SFMBT2: variants seen among roughly 807,000 people sequenced by gnomAD.
SFMBT2 encodes the protein Scm like with four mbt domains 2, also known as scm-like with four MBT domains protein 2.
In SFMBT2, 38 loss-of-function variants were observed where a neutral mutation model predicts 110.1. That is an observed-to-expected ratio of 0.35 (90% CI 0.27 to 0.45). The LOEUF (loss-of-function observed/expected upper bound fraction) is 0.45, where lower values mean the gene tolerates loss of function less well. SFMBT2 is among the 20% of genes least tolerant of loss of function. The pLI is 1.00. For synonymous variants in SFMBT2, 425 were observed against 425.4 expected (o/e 1.00, Z 0.01); for missense variants, 1,011 against 1,094.9 (o/e 0.92, Z 1.08).
rs949034423 is a variant in SFMBT2, at chr10:7,384,988, T to C, written c.-51-3039A>G. On this transcript the variant is annotated intron_variant, in intron 1 of 20. Coordinates refer to ENST00000397167, the MANE Select transcript of SFMBT2 (RefSeq NM_001387889.1). The stretch of plus-strand genomic sequence containing the variant: ...GAGCTGCACACAGCAGAGGAAAGGC[T>C]GCCTGCCAAGGGCACTCTAAGGTCT... Among the ~76,000 whole-genome samples, 12 of 152,228 alleles carry C rather than the reference T, an allele frequency of 7.9e-5. No individual in the cohort carries two copies. In the South Asian group the frequency reaches 8.3e-4, roughly 11 times the overall value.
In SFMBT2 at chr10:7,367,918, A is replaced by G. The variant is rs1341641937; in HGVS notation, c.196-29T>C. ...AAGGAATCAGAAATAGAGAAAACCC[A>G]TTACTACACTAGACACAATACATCC... is the stretch of plus-strand genomic sequence containing the variant. On this transcript the variant is annotated intron_variant, in intron 3 of 20. Coordinates refer to ENST00000397167, the MANE Select transcript of SFMBT2 (RefSeq NM_001387889.1). The surrounding 1 kb of genome is among the most constrained non-coding windows in gnomAD (Gnocchi z 6.2). 6.2e-7 allele frequency: 1 copy of G among 1,611,174 alleles called. No individual in the cohort carries two copies. Among genetic ancestry groups the G allele is most frequent in the East Asian group, 2.2e-5 (1 of 44,868 alleles).
chr10:7,334,625 A>G (rs1366559357), intron 4 of SFMBT2, among the ~76,000 whole-genome samples: 1 of 152,178 alleles, frequency 6.6e-6, no homozygotes, highest in African/African-American at 2.4e-5. Flanking sequence ...CGATACAGAC[A>G]TTAACTAAAG....
Position 7,227,013 on chromosome 10 carries a change from C to T in SFMBT2, c.1203+842G>A, listed in dbSNP as rs146274102. Among the ~76,000 whole-genome samples, 7 of 152,236 alleles carry T rather than the reference C, an allele frequency of 4.6e-5. No homozygotes were observed. The East Asian group carries it at 9.6e-4, about 21-fold the overall frequency. ...CAATGCATGACTGTAGTTTATAAAA[C>T]GACCTCCAATAACTCTGTAAGTACA... On this transcript the variant is annotated intron_variant, in intron 10 of 20. Transcript: ENST00000397167.
At chr10:7,342,083 T>TA (rs34326199) in intron 4 of SFMBT2, among the ~76,000 whole-genome samples, 1,839 of 136,282 alleles carry the variant, frequency 0.013, 22 homozygotes, top group African/African-American at 0.034. Context: ...ACTGCCTCAT[T>TA]AAAAAAAAAA....
intron 7 of SFMBT2, among the ~76,000 whole-genome samples, chr10:7,250,089 T>C (rs557705172): frequency 5.3e-5 from 8 of 152,358 alleles, no homozygotes; most frequent in Admixed American, 3.9e-4. Context: ...TGATGTGCAT[T>C]GTTTATGTTG....
chr10:7,256,665 T>A (rs1477233483), intron 7 of SFMBT2, among the ~76,000 whole-genome samples: 2 of 152,208 alleles, frequency 1.3e-5, no homozygotes, highest in Non-Finnish European at 2.9e-5. Flanking sequence ...CCGACTTCCA[T>A]GCGATGTTAT....
chr10:7,300,772 G>A (rs1842536045), intron 4 of SFMBT2, among the ~76,000 whole-genome samples: 3 of 152,210 alleles, frequency 2.0e-5, no homozygotes, highest in African/African-American at 7.2e-5. Flanking sequence ...GTATTTTTAA[G>A]AATGTTTTAT....
At chr10:7,360,457 A>G (rs1432067352) in intron 4 of SFMBT2, among the ~76,000 whole-genome samples, 1 of 151,948 alleles carries the variant, frequency 6.6e-6, no homozygotes, top group African/African-American at 2.4e-5. Flanking sequence ...ACAGAATGAG[A>G]CCCTGTCTCA....
chr10:7,323,654 T>A (rs181247804), intron 4 of SFMBT2, among the ~76,000 whole-genome samples: 12 of 152,232 alleles, frequency 7.9e-5, no homozygotes, highest in East Asian at 5.8e-4. Flanking sequence ...CAGATTTTTT[T>A]AATTTTAACC....
chr10:7,272,128 A>C (rs1294793931), intron 7 of SFMBT2, among the ~76,000 whole-genome samples: 2 of 152,200 alleles, frequency 1.3e-5, no homozygotes, highest in Non-Finnish European at 2.9e-5. Flanking sequence ...CATGTCCAGG[A>C]AGGATGTGGC....
At chr10:7,305,311 T>C (rs1372970168) in intron 4 of SFMBT2, among the ~76,000 whole-genome samples, 1 of 152,166 alleles carries the variant, frequency 6.6e-6, no homozygotes, top group African/African-American at 2.4e-5. Flanking sequence ...CTATAAATGA[T>C]ATTTAGGTTC....
chr10:7,204,330 C>T (rs1839058277), intron 12 of SFMBT2: 1 of 985,052 alleles, frequency 1.0e-6, no homozygotes, highest in East Asian at 1.1e-4. Context: ...GTGTTTCCAG[C>T]AACGTTGTGA....
intron 4 of SFMBT2, among the ~76,000 whole-genome samples, chr10:7,318,975 C>T (rs1046422253): frequency 1.3e-5 from 2 of 152,196 alleles, no homozygotes; most frequent in African/African-American, 4.8e-5. Context: ...GGGCCATAAA[C>T]CAACTTGGCA....
At chr10:7,349,438 TTC>T (rs1844232640) in intron 4 of SFMBT2, among the ~76,000 whole-genome samples, 4 of 104,902 alleles carry the variant, frequency 3.8e-5, no homozygotes, top group Admixed American at 2.3e-4. Context: ...TTCTTTTCTT[TTC>T]TTTTTTTTTT....
chr10:7,207,716 G>T, intron 11 of SFMBT2: 1 of 547,886 alleles, frequency 1.8e-6, no homozygotes, highest in Non-Finnish European at 2.3e-6. Context: ...AATCTGGTGC[G>T]AGCTCCACCG....
chr10:7,344,301 G>A (rs749285822), intron 4 of SFMBT2, among the ~76,000 whole-genome samples: 2 of 152,166 alleles, frequency 1.3e-5, no homozygotes, highest in Non-Finnish European at 2.9e-5. Flanking sequence ...TAATCCCCAT[G>A]TGTCAAGGGT....
intron 16 of SFMBT2, among the ~76,000 whole-genome samples, chr10:7,178,598 T>G (rs1004013387): frequency 1.3e-5 from 2 of 151,972 alleles, no homozygotes; most frequent in African/African-American, 2.4e-5. Context: ...GAATTTAGAG[T>G]GAGACATGCT....
In SFMBT2 at chr10:7,354,354, G is replaced by A. The variant is rs1341882039; in HGVS notation, c.436+13295C>T. ...TCTTGATCAAAATAACACGAATAAC[G>A]TGGCAGTGTCATGAGTAAACATAAA... On this transcript the variant is annotated intron_variant, in intron 4 of 20. Coordinates refer to ENST00000397167, the MANE Select transcript of SFMBT2 (RefSeq NM_001387889.1). 2.6e-5 allele frequency among the ~76,000 whole-genome samples: 4 copies of A among 152,198 alleles called. No individual in the cohort carries two copies. The South Asian group carries it at 8.3e-4, about 32-fold the overall frequency.
rs1384957594 is a variant in SFMBT2, at chr10:7,163,601, T to C, written c.*169A>G. 1.6e-5 allele frequency: 10 copies of C among 619,040 alleles called. No individual in the cohort carries two copies. The highest frequency in any genetic ancestry group is 9.3e-5 in the African/African-American group (5 of 53,494). The allele number at this position is 619,040 out of a possible 1,614,324, so 38.3% of individuals were successfully genotyped here. A position where few individuals can be genotyped will look rare whatever the true frequency, so the allele number is the denominator to read the frequency against. Reference sequence around the variant, plus strand: ...CGACTGCTGCTGTGCTTTGAAAACATGGAAACAGCTCACAGGCTGGCGGAG... The same window carrying C: ...CGACTGCTGCTGTGCTTTGAAAACACGGAAACAGCTCACAGGCTGGCGGAG... On this transcript the variant is annotated 3_prime_UTR_variant, in exon 21 of 21. Transcript: ENST00000397167. The surrounding 1 kb of genome is among the most constrained non-coding windows in gnomAD (Gnocchi z 4.8).
Sources: gnomAD v4.1 joint callset for allele counts (sites outside exome capture counted in the v4.1 genomes callset) on GRCh38, gnomAD v4.1.1 for gene constraint, Gnocchi (gnomAD v3.1) non-coding constraint, MANE v1.5 for transcripts, NCBI Gene and HGNC (gene_info 2026-07-23, HGNC 2026-07-21) for gene names.